The following ISM1 variants were observed in gnomAD, a reference collection of about 807,000 sequenced individuals.
ISM1 encodes the protein isthmin 1.
A neutral mutation model predicts 46.3 loss-of-function variants in ISM1; 25 were observed. The ratio of observed to expected loss-of-function variants is 0.54; its 90% CI spans 0.39 to 0.75. The LOEUF (loss-of-function observed/expected upper bound fraction) is 0.75, where lower values mean the gene tolerates loss of function less well. Among genes scored for constraint, ISM1 ranks in the 30% least tolerant of loss-of-function variants. ISM1 has a pLI of 0.00. For missense variants in ISM1, 536 were observed against 625.4 expected (o/e 0.86, Z 1.52); for synonymous variants, 255 against 256.7 (o/e 0.99, Z 0.06).
chr20:13,259,308 G>A (rs1050216761), intron 1 of ISM1, among the ~76,000 whole-genome samples: 1 of 151,310 alleles, frequency 6.6e-6, no homozygotes, highest in Non-Finnish European at 1.5e-5. Context: ...AACAAAAGGA[G>A]TCTAGATAAT....
intron 1 of ISM1, among the ~76,000 whole-genome samples, chr20:13,259,483 A>G (rs896739588): frequency 1.3e-5 from 2 of 152,208 alleles, no homozygotes; most frequent in Non-Finnish European, 2.9e-5. Flanking sequence ...TGAATCTCAT[A>G]CAAATAAAGA....
the ISM1 span, among the ~76,000 whole-genome samples, chr20:13,311,014 T>C: frequency 6.6e-6 from 1 of 152,072 alleles, no homozygotes; most frequent in Non-Finnish European, 1.5e-5. Context: ...GCCATCATGG[T>C]GAAACCCCAT....
At chr20:13,223,172 T>A (rs980938891) in intron 1 of ISM1, among the ~76,000 whole-genome samples, 157 of 143,414 alleles carry the variant, frequency 1.1e-3, no homozygotes, top group African/African-American at 3.7e-3. Flanking sequence ...AAAAATAAAA[T>A]AAAATAAAAT....
At chr20:13,262,466 T>C (rs1229060223) in intron 1 of ISM1, among the ~76,000 whole-genome samples, 1 of 140,804 alleles carries the variant, frequency 7.1e-6, no homozygotes, top group Non-Finnish European at 1.6e-5. Context: ...TTTCTTTTTC[T>C]TTTTTTTTTT....
intron 5 of ISM1, 35 bp downstream of exon 5, chr20:13,292,498 C>G: frequency 1.5e-6 from 2 of 1,301,304 alleles, no homozygotes; most frequent in East Asian, 4.9e-5. Context: ...CAAATATTGA[C>G]TTAGTGCCTC....
At chr20:13,256,336 C>T (rs1473481780) in intron 1 of ISM1, among the ~76,000 whole-genome samples, 1 of 143,714 alleles carries the variant, frequency 7.0e-6, no homozygotes, top group East Asian at 2.1e-4. Context: ...GTGGAGGTTA[C>T]ACTGAGCCTA....
intron 1 of ISM1, among the ~76,000 whole-genome samples, chr20:13,263,468 T>G (rs538081480): frequency 6.6e-6 from 1 of 152,338 alleles, no homozygotes; most frequent in South Asian, 2.1e-4. Context: ...CCTGGTTTTC[T>G]CATCTTAGGA....
At chr20:13,297,788 A>G (rs2040420986) in intron 5 of ISM1, among the ~76,000 whole-genome samples, 1 of 152,230 alleles carries the variant, frequency 6.6e-6, no homozygotes, top group South Asian at 2.1e-4. Flanking sequence ...ATAGGCAACT[A>G]ATCAATTATT....
rs2040254849 is a variant in ISM1 at position 13,283,064 on chromosome 20, G to A, written c.643+3166G>A. ...TATTTATTTAATTTTTTTAAGACAT[G>A]GAGTCTTGCCCTGTTGCCCAGGCTG... On this transcript the variant is annotated intron_variant, in intron 3 of 5. Transcript: ENST00000262487. Among the ~76,000 whole-genome samples the A allele has an allele frequency of 2.0e-5, 3 of 151,920 alleles. No individual in the cohort carries two copies. The South Asian group carries it at 6.2e-4, about 32-fold the overall frequency.
intron 1 of ISM1, chr20:13,239,572 C>G (rs1466556196): frequency 6.6e-6 from 1 of 152,162 alleles, no homozygotes; most frequent in Non-Finnish European, 1.5e-5. Flanking sequence ...GATACGTGGG[C>G]ACATGACAGG....
chr20:13,292,314 G>T (rs2040361843), intron 4 of ISM1, 60 bp from the exon 5 acceptor site: 1 of 994,740 alleles, frequency 1.0e-6, no homozygotes. Flanking sequence ...TTATTGTTGG[G>T]GTGGGGGAGA....
chr20:13,226,144 C>T (rs547748190), intron 1 of ISM1, among the ~76,000 whole-genome samples: 2 of 151,736 alleles, frequency 1.3e-5, no homozygotes, highest in South Asian at 2.1e-4. Context: ...ACCAAACTCT[C>T]GAATGTAGTA....
intron 1 of ISM1, among the ~76,000 whole-genome samples, chr20:13,246,008 C>A (rs1600500665): frequency 6.6e-6 from 1 of 152,216 alleles, no homozygotes; most frequent in East Asian, 1.9e-4. Context: ...TGGCTCACGC[C>A]TATAATCCCA....
intron 3 of ISM1, among the ~76,000 whole-genome samples, chr20:13,285,178 C>A (rs2040278411): frequency 6.6e-6 from 1 of 152,120 alleles, no homozygotes; most frequent in South Asian, 2.1e-4. Flanking sequence ...GTAGTCCCAG[C>A]TACTCAGGAG....
At chr20:13,268,069 G>T (rs780546572) in intron 1 of ISM1, among the ~76,000 whole-genome samples, 10 of 151,112 alleles carry the variant, frequency 6.6e-5, no homozygotes, top group Admixed American at 2.6e-4. Context: ...ATGTCATCGA[G>T]AAATCTTATG....
chr20:13,251,955 G>A (rs1428863284), intron 1 of ISM1, among the ~76,000 whole-genome samples: 1 of 151,518 alleles, frequency 6.6e-6, no homozygotes, highest in East Asian at 1.9e-4. Flanking sequence ...GAGAGTCCAA[G>A]CTGAAGCAAG....
intron 1 of ISM1, among the ~76,000 whole-genome samples, chr20:13,228,006 C>T (rs1294526390): frequency 2.0e-5 from 3 of 147,016 alleles, no homozygotes; most frequent in East Asian, 2.0e-4. Context: ...GCTCTGTTGC[C>T]CAGGCTGGAG....
At chr20:13,222,624 G>A (rs964417971) in intron 1 of ISM1, among the ~76,000 whole-genome samples, 2 of 152,126 alleles carry the variant, frequency 1.3e-5, no homozygotes, top group Non-Finnish European at 2.9e-5. Flanking sequence ...GATCTTCCCC[G>A]TTGAAGGTCG....
chr20:13,283,297 G>A (rs888393640), intron 3 of ISM1, among the ~76,000 whole-genome samples: 1 of 152,138 alleles, frequency 6.6e-6, no homozygotes, highest in Non-Finnish European at 1.5e-5. Flanking sequence ...TTTCACCCAG[G>A]AAGGAGAGGT....
Sources: gnomAD v4.1 joint callset for allele counts (sites outside exome capture counted in the v4.1 genomes callset) on GRCh38, gnomAD v4.1.1 for gene constraint, MANE v1.5 for transcripts, NCBI Gene and HGNC (gene_info 2026-07-23, HGNC 2026-07-21) for gene names.